The following ESRP1 variants were observed in gnomAD, a reference collection of about 807,000 sequenced individuals.
ESRP1 encodes the protein epithelial splicing regulatory protein 1.
A neutral mutation model predicts 81.7 loss-of-function variants in ESRP1; 33 were observed. The ratio of observed to expected loss-of-function variants is 0.40; its 90% CI spans 0.31 to 0.54. The LOEUF is 0.54. ESRP1 is among the 20% of genes least tolerant of loss of function. The pLI is 0.41. For synonymous variants in ESRP1, 320 were observed against 303.3 expected (o/e 1.06, Z -0.57); for missense variants, 672 against 833.1 (o/e 0.81, Z 2.38).
intron 15 of ESRP1, among the ~76,000 whole-genome samples, chr8:94,705,103 C>T (rs1026820556): frequency 2.0e-5 from 3 of 148,212 alleles, no homozygotes; most frequent in Non-Finnish European, 4.5e-5. Context: ...TAATCATCAA[C>T]TAGTCACAGG....
chr8:94,701,514 GGAAGAAATGCTTCCTCA>G (rs1429060145), intron 15 of ESRP1, among the ~76,000 whole-genome samples: 1 of 152,094 alleles, frequency 6.6e-6, no homozygotes, highest in Non-Finnish European at 1.5e-5. Flanking sequence ...GTGTCGGGCT[GGAAGAAATGCTTCCTCA>G]GATCGCCAGA....
chr8:94,690,952 G>A (rs1335018671), intron 13 of ESRP1, among the ~76,000 whole-genome samples: 1 of 152,202 alleles, frequency 6.6e-6, no homozygotes, highest in East Asian at 1.9e-4. Context: ...GAAGTCAAGA[G>A]TTTGGGTGAT....
intron 11 of ESRP1, among the ~76,000 whole-genome samples, chr8:94,673,240 C>A (rs1252900981): frequency 1.3e-5 from 2 of 152,202 alleles, no homozygotes; most frequent in African/African-American, 4.8e-5. Context: ...TATTGAGTCA[C>A]CACTTCTAAT....
At chr8:94,652,597 T>C (rs909053041) in intron 4 of ESRP1, among the ~76,000 whole-genome samples, 1 of 152,294 alleles carries the variant, frequency 6.6e-6, no homozygotes, top group South Asian at 2.1e-4. Flanking sequence ...CCCATTTTTT[T>C]CCCCACTAAT....
At chr8:94,681,325 CAAAAAAAAA>C (rs1171703394) in intron 13 of ESRP1, among the ~76,000 whole-genome samples, 2 of 31,266 alleles carry the variant, frequency 6.4e-5, no homozygotes, top group African/African-American at 1.3e-4. Flanking sequence ...GACTCCATCT[CAAAAAAAAA>C]AAAAAAAAAA....
chr8:94,702,033 G>A (rs1042377416), intron 15 of ESRP1, among the ~76,000 whole-genome samples: 15 of 152,170 alleles, frequency 9.9e-5, no homozygotes, highest in African/African-American at 3.6e-4. Flanking sequence ...AGCTGTCATC[G>A]TGCCACTGCC....
At chr8:94,703,775 A>G (rs1298706125) in intron 15 of ESRP1, among the ~76,000 whole-genome samples, 3 of 152,154 alleles carry the variant, frequency 2.0e-5, no homozygotes, top group Non-Finnish European at 4.4e-5. Flanking sequence ...TAAAACCACA[A>G]TGACCTGGGA....
rs560780598 is a variant in ESRP1 at position 94,676,423 on chromosome 8, G to A, written c.1652-1780G>A. On this transcript the variant is annotated intron_variant, in intron 12 of 15. Transcript: ENST00000433389. ...TTGCAGCCCAATCTATTTGGTTATC[G>A]AAAATTTCTACCTTTGTTTTGAAGC... Among the ~76,000 whole-genome samples the A allele has an allele frequency of 6.8e-4, 103 of 151,000 alleles. 1 individual carries two copies. Among genetic ancestry groups the A allele is most frequent in the African/African-American group, 2.3e-3 (93 of 41,202 alleles).
intron 12 of ESRP1, among the ~76,000 whole-genome samples, chr8:94,674,792 T>A (rs1358334500): frequency 1.3e-5 from 2 of 152,216 alleles, no homozygotes; most frequent in African/African-American, 4.8e-5. Flanking sequence ...GCACTGACTC[T>A]GGGAGGCAAC....
In ESRP1 at chr8:94,663,241, C is replaced by CATTT. The variant is rs574824430; in HGVS notation, c.644+703_644+706dup. On this transcript the variant is annotated intron_variant, in intron 6 of 15. Coordinates refer to ENST00000433389, the MANE Select transcript of ESRP1 (RefSeq NM_017697.4). The stretch of plus-strand genomic sequence containing the variant: ...AAATTTTACGTACATTCTATAAGTA[C>CATTT]ATTTATTTATTTATTTATTTTAGTT... Among the ~76,000 whole-genome samples, 918 of 152,148 alleles carry CATTT rather than the reference C, an allele frequency of 6.0e-3. 8 individuals carry two copies. The highest frequency in any genetic ancestry group is 0.021 in the African/African-American group (879 of 41,514).
intron 4 of ESRP1, among the ~76,000 whole-genome samples, chr8:94,651,937 A>AT (rs1818156983): frequency 9.4e-6 from 1 of 106,470 alleles, no homozygotes; most frequent in Non-Finnish European, 2.0e-5. Context: ...TCTGGTTCTT[A>AT]TTTTTGGCAC....
At chr8:94,655,541 T>C (rs1818364527) in intron 4 of ESRP1, among the ~76,000 whole-genome samples, 1 of 152,144 alleles carries the variant, frequency 6.6e-6, no homozygotes, top group African/African-American at 2.4e-5. Flanking sequence ...ACATTTTTTG[T>C]TTCCTTCAAA....
At chr8:94,643,776 G>A (rs1817723178) in intron 3 of ESRP1, among the ~76,000 whole-genome samples, 1 of 150,476 alleles carries the variant, frequency 6.6e-6, no homozygotes, top group Non-Finnish European at 1.5e-5. Flanking sequence ...AGCTAATACA[G>A]AGTGTGAATT....
intron 11 of ESRP1, 68 bp downstream of exon 11, chr8:94,671,739 AG>A: frequency 1.8e-5 from 18 of 973,148 alleles, no homozygotes; most frequent in East Asian, 2.7e-5. Flanking sequence ...ATCTAATATT[AG>A]ATATTAGATA....
chr8:94,641,987 C>T lies in ESRP1; in HGVS notation c.164C>T (p.Pro55Leu). Residue 55 changes from proline to leucine, a missense_variant, in exon 2 of 16, where the codon CCG (proline) becomes CTG (leucine). Pro to Leu is a moderately conservative substitution (Grantham distance 98). Coordinates refer to ENST00000433389, the MANE Select transcript of ESRP1 (RefSeq NM_017697.4). ...VGQLHEVLVR[P>L]DQLELTEDCK... ...CAGTTGCACGAAGTGCTAGTTAGAC[C>T]GGATCAGTTGGAACTGACGGAGGAC... is the stretch of plus-strand genomic sequence containing the variant. 2 of 1,613,986 alleles carry T rather than the reference C, an allele frequency of 1.2e-6. No homozygotes were observed. Among genetic ancestry groups the T allele is most frequent in the South Asian group, 1.1e-5 (1 of 91,084 alleles).
intron 14 of ESRP1, among the ~76,000 whole-genome samples, chr8:94,693,198 A>T (rs1443357447): frequency 6.6e-6 from 1 of 152,212 alleles, no homozygotes; most frequent in African/African-American, 2.4e-5. Context: ...GACTAAACCA[A>T]TAAGTACTTA....
At chr8:94,674,828 G>T (rs1451086809) in intron 12 of ESRP1, among the ~76,000 whole-genome samples, 2 of 152,098 alleles carry the variant, frequency 1.3e-5, no homozygotes, top group South Asian at 2.1e-4. Flanking sequence ...ATTTTAGTAC[G>T]CATTTAAAGG....
chr8:94,681,828 G>A lies in ESRP1; in HGVS notation c.1820+3457G>A, dbSNP rs139398101. Among the ~76,000 whole-genome samples, 326 of 152,148 alleles carry A rather than the reference G, an allele frequency of 2.1e-3. 1 individual carries two copies. The Middle Eastern group carries it at 0.044, about 21-fold the overall frequency. The stretch of plus-strand genomic sequence containing the variant: ...GGGCACCTATAGTTCCAGCTACTCC[G>A]GAGGCCAAGGCAGAAGAATCGCTTG... On this transcript the variant is annotated intron_variant, in intron 13 of 15. Coordinates refer to ENST00000433389, the MANE Select transcript of ESRP1 (RefSeq NM_017697.4).
intron 6 of ESRP1, 133 bp from the exon 7 acceptor site, chr8:94,664,564 C>A: frequency 1.5e-6 from 1 of 655,948 alleles, no homozygotes; most frequent in Non-Finnish European, 2.7e-6. Flanking sequence ...TAAGGAAAAT[C>A]AAGTAGTATT....
Sources: gnomAD v4.1 joint callset for allele counts (sites outside exome capture counted in the v4.1 genomes callset) on GRCh38, gnomAD v4.1.1 for gene constraint, MANE v1.5 for transcripts, NCBI Gene and HGNC (gene_info 2026-07-23, HGNC 2026-07-21) for gene names.